Variants in RHEB observed in about 807,000 individuals in gnomAD.
RHEB encodes Ras homolog, mTORC1 binding, also known as GTP-binding protein Rheb.
Under a neutral mutation model 28.8 loss-of-function variants are expected in RHEB, and 2 were observed. The observed-to-expected ratio is 0.07, with a 90% confidence interval of 0.03 to 0.22. The LOEUF (loss-of-function observed/expected upper bound fraction) is 0.22. Among genes scored for constraint, RHEB ranks in the 10% least tolerant of loss-of-function variants. The pLI is 1.00. For synonymous variants in RHEB, 69 were observed against 77.3 expected (o/e 0.89, Z 0.56); for missense variants, 76 against 219.9 (o/e 0.35, Z 4.14).
chr7:151,478,130 T>C (rs556211790), intron 3 of RHEB, among the ~76,000 whole-genome samples: 23 of 152,320 alleles, frequency 1.5e-4, no homozygotes, highest in African/African-American at 5.5e-4. Context: ...TTGCTTTATA[T>C]ACGTATTAAA....
At chr7:151,484,936 G>C (rs557789651) in intron 2 of RHEB, 132 bp from the exon 3 acceptor site, 27 of 607,838 alleles carry the variant, frequency 4.4e-5, no homozygotes, top group South Asian at 2.2e-4. Context: ...AAACAAAAAA[G>C]AACAACTCTC....
rs1298690875 is a variant in RHEB at position 151,466,797 on chromosome 7, A to T, written c.*322T>A. 3.9e-6 allele frequency: 1 copy of T among 253,216 alleles called. No homozygotes were observed. The highest frequency in any genetic ancestry group is 7.6e-6 in the Non-Finnish European group (1 of 131,472). The allele number at this position is 253,216 out of a possible 1,614,324, so 15.7% of individuals were successfully genotyped here. A position where few individuals can be genotyped will look rare whatever the true frequency, so the allele number is the denominator to read the frequency against. On this transcript the variant is annotated 3_prime_UTR_variant, in exon 8 of 8. Coordinates refer to ENST00000262187, the MANE Select transcript of RHEB (RefSeq NM_005614.4). ...CTGAAGCCTAGTTAATAGTAGTGTAACAATATGCATCATTTTGATGATTAC... is the reference window on the plus strand; with the variant it reads ...CTGAAGCCTAGTTAATAGTAGTGTATCAATATGCATCATTTTGATGATTAC...
intron 1 of RHEB, among the ~76,000 whole-genome samples, chr7:151,494,231 T>C (rs1216662286): frequency 6.6e-6 from 1 of 152,226 alleles, no homozygotes; most frequent in Admixed American, 6.5e-5. Context: ...CTAAGTATGA[T>C]ACATGGGATA....
At chr7:151,469,672 A>G (rs1232044642) in intron 7 of RHEB, among the ~76,000 whole-genome samples, 1 of 152,208 alleles carries the variant, frequency 6.6e-6, no homozygotes, top group Non-Finnish European at 1.5e-5. Flanking sequence ...GAGAAGGGCT[A>G]TTTTAAACCG....
intron 1 of RHEB, among the ~76,000 whole-genome samples, chr7:151,498,874 C>G (rs2150933152): frequency 6.6e-6 from 1 of 151,982 alleles, no homozygotes; most frequent in Middle Eastern, 3.4e-3. Context: ...CAGTTCCAAG[C>G]ATGGCAACAT....
intron 1 of RHEB, among the ~76,000 whole-genome samples, chr7:151,518,842 C>T (rs1405452995): frequency 6.6e-6 from 1 of 152,152 alleles, no homozygotes; most frequent in Admixed American, 6.5e-5. Flanking sequence ...CCGCCAGCAG[C>T]ATCTCGAGGG....
At chr7:151,474,945 C>T (rs1029643047) in intron 4 of RHEB, among the ~76,000 whole-genome samples, 1 of 152,214 alleles carries the variant, frequency 6.6e-6, no homozygotes, top group Non-Finnish European at 1.5e-5. Flanking sequence ...CACCACTCTT[C>T]TCACACTCAT....
intron 1 of RHEB, among the ~76,000 whole-genome samples, chr7:151,496,417 G>T (rs1226452585): frequency 6.6e-6 from 1 of 151,934 alleles, no homozygotes; most frequent in Admixed American, 6.5e-5. Context: ...TCAAATCAGT[G>T]GTGTGGCCTA....
At chr7:151,507,778 T>C (rs1001543972) in intron 1 of RHEB, among the ~76,000 whole-genome samples, 3 of 152,156 alleles carry the variant, frequency 2.0e-5, no homozygotes, top group Non-Finnish European at 4.4e-5. Context: ...CCCTTTCAAA[T>C]ACTTATAGGT....
At position 151,503,106 on chromosome 7, in the gene RHEB, T is replaced by G. The variant is rs1802802016; in HGVS notation, c.53-12092A>C. 2.1e-5 allele frequency: 17 copies of G among 810,534 alleles called. No homozygotes were observed. In the East Asian group the frequency reaches 4.1e-4, roughly 20 times the overall value. The allele number at this position is 810,534 out of a possible 1,614,324, so 50.2% of individuals were successfully genotyped here. On this transcript the variant is annotated intron_variant, in intron 1 of 7. Transcript: ENST00000262187. ...CTAAAGACTTTGGAAAAGGGAGCTGTAGAAATTCTAATGGTCTATGAAAAT... is the reference window on the plus strand; with the variant it reads ...CTAAAGACTTTGGAAAAGGGAGCTGGAGAAATTCTAATGGTCTATGAAAAT...
chr7:151,484,871 C>A, intron 2 of RHEB, 67 bp from the exon 3 acceptor site: 1 of 1,019,776 alleles, frequency 9.8e-7, no homozygotes, highest in Non-Finnish European at 1.5e-6. Context: ...GAAGTTTGAA[C>A]AATGACAACC....
At chr7:151,501,679 A>G (rs530456717) in intron 1 of RHEB, among the ~76,000 whole-genome samples, 3 of 152,386 alleles carry the variant, frequency 2.0e-5, no homozygotes, top group African/African-American at 7.2e-5. Context: ...TAATTGCCCC[A>G]AAGTGGAAAC....
intron 1 of RHEB, among the ~76,000 whole-genome samples, chr7:151,492,618 T>TAA (rs1299970761): frequency 1.6e-5 from 2 of 125,002 alleles, no homozygotes; most frequent in African/African-American, 3.0e-5. Context: ...CTCTGTCTTA[T>TAA]AAAAAAAAAA....
intron 3 of RHEB, among the ~76,000 whole-genome samples, chr7:151,479,648 A>C (rs1802345722): frequency 6.9e-6 from 1 of 145,754 alleles, no homozygotes; most frequent in Non-Finnish European, 1.5e-5. Flanking sequence ...GCGCCACAGC[A>C]CTCCAGCCTG....
At chr7:151,467,987 C>G (rs1408639274) in intron 7 of RHEB, among the ~76,000 whole-genome samples, 1 of 152,104 alleles carries the variant, frequency 6.6e-6, no homozygotes, top group Non-Finnish European at 1.5e-5. Flanking sequence ...TCCTTATGCA[C>G]CAGGACAACA....
intron 1 of RHEB, among the ~76,000 whole-genome samples, chr7:151,517,616 T>C (rs906290534): frequency 1.4e-5 from 2 of 147,890 alleles, no homozygotes; most frequent in African/African-American, 5.1e-5. Flanking sequence ...CACATCTCCG[T>C]CCTCAGGAGG....
intron 1 of RHEB, among the ~76,000 whole-genome samples, chr7:151,503,752 T>C (rs1197601782): frequency 7.1e-6 from 1 of 140,712 alleles, no homozygotes; most frequent in Non-Finnish European, 1.6e-5. Flanking sequence ...TTCGTTGCTC[T>C]TGTATTTTAT....
intron 1 of RHEB, among the ~76,000 whole-genome samples, chr7:151,515,721 C>A (rs1479888534): frequency 1.3e-5 from 2 of 152,198 alleles, no homozygotes; most frequent in Non-Finnish European, 2.9e-5. Flanking sequence ...AAGTCAGAAT[C>A]TGCTGGGAAC....
intron 7 of RHEB, among the ~76,000 whole-genome samples, chr7:151,469,301 T>A (rs1802117674): frequency 1.3e-5 from 2 of 152,120 alleles, no homozygotes; most frequent in Non-Finnish European, 2.9e-5. Context: ...GTGCTAAACA[T>A]TATGAAGGAT....
Sources: allele counts gnomAD v4.1 joint callset (sites outside exome capture counted in the v4.1 genomes callset), GRCh38; gene constraint gnomAD v4.1.1; transcripts MANE v1.5; gene names NCBI Gene and HGNC (gene_info 2026-07-23, HGNC 2026-07-21).